Variants in REDIC1 observed in about 807,000 individuals in gnomAD.
REDIC1 encodes regulator of DNA class I crossover intermediates 1.
At chr12:39,682,723 C>T in the REDIC1 span, 1 of 1,613,308 alleles carries the variant, frequency 6.2e-7, no homozygotes, top group South Asian at 1.1e-5. Flanking sequence ...ACACTCAATA[C>T]AGCATATTTG....
chr12:39,842,803 C>T, the REDIC1 span, among the ~76,000 whole-genome samples: 2 of 151,946 alleles, frequency 1.3e-5, no homozygotes, highest in African/African-American at 2.4e-5. Context: ...CTGGCAACCA[C>T]GAATCTACTC....
At chr12:39,882,128 T>C in the REDIC1 span, among the ~76,000 whole-genome samples, 2 of 152,168 alleles carry the variant, frequency 1.3e-5, no homozygotes, top group Non-Finnish European at 2.9e-5. Flanking sequence ...TCATCACTCA[T>C]TCCTGCCCCT....
chr12:39,895,640 G>A, the REDIC1 span, among the ~76,000 whole-genome samples: 47 of 80,152 alleles, frequency 5.9e-4, no homozygotes, highest in African/African-American at 1.1e-3. Flanking sequence ...ATATGTATAT[G>A]CGTGTATACG....
At chr12:39,839,384 G>A in the REDIC1 span, among the ~76,000 whole-genome samples, 7 of 152,114 alleles carry the variant, frequency 4.6e-5, no homozygotes, top group South Asian at 8.3e-4. Context: ...TCTTAGACAC[G>A]TGAGTAAATA....
chr12:39,753,655 TAAGC>T, the REDIC1 span, among the ~76,000 whole-genome samples: 1 of 152,194 alleles, frequency 6.6e-6, no homozygotes, highest in Admixed American at 6.5e-5. Context: ...AAGGATTTTA[TAAGC>T]AAATTGCCTG....
At chr12:39,735,573 A>G in the REDIC1 span, among the ~76,000 whole-genome samples, 25 of 152,228 alleles carry the variant, frequency 1.6e-4, no homozygotes, top group African/African-American at 3.1e-4. Context: ...CAACTTTCTC[A>G]TTGTAGTTTC....
chr12:39,663,678 TGGTTTG>T, the REDIC1 span, among the ~76,000 whole-genome samples: 29 of 152,130 alleles, frequency 1.9e-4, no homozygotes, highest in African/African-American at 6.5e-4. Context: ...TATATATTAA[TGGTTTG>T]ATTTTCTGGT....
the REDIC1 span, among the ~76,000 whole-genome samples, chr12:39,673,158 C>G: frequency 2.3e-3 from 352 of 152,240 alleles, 1 homozygote; most frequent in African/African-American, 8.0e-3. Flanking sequence ...TTCTGTGCCC[C>G]AGGTGTTTCC....
At chr12:39,802,800 C>T in the REDIC1 span, among the ~76,000 whole-genome samples, 10,578 of 152,146 alleles carry the variant, frequency 0.07, 477 homozygotes, top group Non-Finnish European at 0.095. Flanking sequence ...ACTATATCTC[C>T]ATCCTGAGAA....
the REDIC1 span, among the ~76,000 whole-genome samples, chr12:39,741,317 T>C: frequency 6.6e-6 from 1 of 152,176 alleles, no homozygotes; most frequent in Non-Finnish European, 1.5e-5. Context: ...ATAACTTACA[T>C]AGAGCCTACC....
chr12:39,665,509 T>G, the REDIC1 span, among the ~76,000 whole-genome samples: 10 of 150,648 alleles, frequency 6.6e-5, no homozygotes, highest in Non-Finnish European at 1.0e-4. Context: ...GGTAGCGTGA[T>G]GCCTCCAGCT....
chr12:39,760,002 A>G, the REDIC1 span: 1 of 1,586,164 alleles, frequency 6.3e-7, no homozygotes. Context: ...TGTTTAAATA[A>G]CTAAATATAT....
At chr12:39,785,541 C>T in the REDIC1 span, among the ~76,000 whole-genome samples, 1 of 152,154 alleles carries the variant, frequency 6.6e-6, no homozygotes, top group Non-Finnish European at 1.5e-5. Context: ...GGGGTCAGAG[C>T]CCCCACAGAG....
chr12:39,821,338 A>C, the REDIC1 span, among the ~76,000 whole-genome samples: 1 of 151,950 alleles, frequency 6.6e-6, no homozygotes, highest in African/African-American at 2.4e-5. Context: ...TGAACCCGGG[A>C]GGCGGAGCTT....
the REDIC1 span, among the ~76,000 whole-genome samples, chr12:39,751,117 G>A: frequency 7.9e-5 from 12 of 152,276 alleles, no homozygotes; most frequent in East Asian, 5.8e-4. Context: ...CTATCAGAGC[G>A]AACAGGCAAC....
the REDIC1 span, among the ~76,000 whole-genome samples, chr12:39,700,510 C>A: frequency 6.6e-6 from 1 of 152,160 alleles, no homozygotes; most frequent in Non-Finnish European, 1.5e-5. Flanking sequence ...GGAAAACACT[C>A]CGCAGGATAT....
At chr12:39,711,725 A>C in the REDIC1 span, among the ~76,000 whole-genome samples, 1 of 13,606 alleles carries the variant, frequency 7.3e-5, no homozygotes, top group African/African-American at 1.6e-4. Flanking sequence ...GTGTATGCAC[A>C]TGCATGTGTG....
chr12:39,638,880 C>T, the REDIC1 span, among the ~76,000 whole-genome samples: 1 of 151,840 alleles, frequency 6.6e-6, no homozygotes, highest in East Asian at 1.9e-4. Flanking sequence ...CCATGAATGT[C>T]CTGGATAAGA....
chr12:39,902,819 G>A, the REDIC1 span, among the ~76,000 whole-genome samples: 1 of 152,070 alleles, frequency 6.6e-6, no homozygotes, highest in Non-Finnish European at 1.5e-5. Context: ...AATGAGGTGA[G>A]TGGCATAGCA....
Sources: gnomAD v4.1 joint callset for allele counts (sites outside exome capture counted in the v4.1 genomes callset) on GRCh38, gnomAD v4.1.1 for gene constraint, MANE v1.5 for transcripts, NCBI Gene and HGNC (gene_info 2026-07-23, HGNC 2026-07-21) for gene names.